Variants in ZSCAN4 observed in about 807,000 individuals in gnomAD.
ZSCAN4 encodes the protein zinc finger and SCAN domain containing 4, also known as zinc finger and SCAN domain-containing protein 4.
Under a neutral mutation model 18.3 loss-of-function variants are expected in ZSCAN4, and 18 were observed. The ratio of observed to expected loss-of-function variants is 0.98; its 90% CI spans 0.68 to 1.46. The LOEUF is 1.46. Among genes scored for constraint, ZSCAN4 ranks in the 40% most tolerant of loss-of-function variants. The probability of loss-of-function intolerance (pLI) is 0.00; values close to 1 mark genes in which losing one functional copy is unlikely to be tolerated. For synonymous variants in ZSCAN4, 193 were observed against 180.3 expected (o/e 1.07, Z -0.57); for missense variants, 498 against 511.4 (o/e 0.97, Z 0.25).
chr19:57,667,944 C>T (rs1204766727), upstream of ZSCAN4, among the ~76,000 whole-genome samples: 1 of 152,034 alleles, frequency 6.6e-6, no homozygotes, highest in Non-Finnish European at 1.5e-5. Context: ...CTCTGTCGCC[C>T]AGGCTGGAGA....
rs182441525 is a variant in ZSCAN4 at position 57,675,037 on chromosome 19, G to A, written c.-105-1004G>A. Among the ~76,000 whole-genome samples the A allele has an allele frequency of 4.7e-3, 670 of 141,790 alleles. 4 individuals are homozygous for A. Among genetic ancestry groups the A allele is most frequent in the African/African-American group, 0.017 (638 of 37,376 alleles). 93.0% of individuals were successfully genotyped at this position (141,790 alleles called of 152,430 possible). A position where few individuals can be genotyped will look rare whatever the true frequency, so the allele number is the denominator to read the frequency against. ...TGGCATGATCCTGGCTCATTGCCACGCCCACTTCCCGGGTTCAAGGGATTC... is the reference window on the plus strand; with the variant it reads ...TGGCATGATCCTGGCTCATTGCCACACCCACTTCCCGGGTTCAAGGGATTC... On this transcript the variant is annotated intron_variant, in intron 2 of 4. Coordinates refer to ENST00000318203, the Ensembl canonical transcript of ZSCAN4.
chr19:57,671,514 G>C (rs969346307), intron 2 of ZSCAN4, among the ~76,000 whole-genome samples: 1 of 149,642 alleles, frequency 6.7e-6, no homozygotes, highest in Non-Finnish European at 1.5e-5. Flanking sequence ...AAAAAAAAGA[G>C]AGAGAGAGAG....
upstream of ZSCAN4, among the ~76,000 whole-genome samples, chr19:57,666,367 T>G (rs1335465858): frequency 6.6e-6 from 1 of 152,030 alleles, no homozygotes; most frequent in African/African-American, 2.4e-5. Flanking sequence ...TGTTGTAGCT[T>G]TTAGCTAATG....
chr19:57,665,912 C>CA (rs1359178130), upstream of ZSCAN4, among the ~76,000 whole-genome samples: 13 of 152,042 alleles, frequency 8.6e-5, no homozygotes, highest in Non-Finnish European at 1.9e-4. Context: ...AACTCCGTCT[C>CA]AATAATAATA....
the ZSCAN4 span, among the ~76,000 whole-genome samples, chr19:57,660,372 G>C: frequency 0.17 from 25,293 of 152,098 alleles, 2,159 homozygotes; most frequent in East Asian, 0.27. Context: ...TAAGCTCTTG[G>C]TACTGTGCAG....
upstream of ZSCAN4, among the ~76,000 whole-genome samples, chr19:57,666,751 C>T (rs1983860258): frequency 6.6e-6 from 1 of 151,994 alleles, no homozygotes; most frequent in Non-Finnish European, 1.5e-5. Context: ...GGTGTGGTGG[C>T]GCATGCCTTT....
chr19:57,653,391 A>AAG, the ZSCAN4 span, among the ~76,000 whole-genome samples: 2 of 101,206 alleles, frequency 2.0e-5, no homozygotes, highest in Non-Finnish European at 3.5e-5. Context: ...CATCTCAAAG[A>AAG]AAAAAAAAAA....
chr19:57,660,407 G>A, the ZSCAN4 span, among the ~76,000 whole-genome samples: 35 of 152,314 alleles, frequency 2.3e-4, 1 homozygote, highest in African/African-American at 7.7e-4. Context: ...TGAGAGAGGT[G>A]CTGATATGTG....
intron 2 of ZSCAN4, among the ~76,000 whole-genome samples, chr19:57,671,834 C>G (rs1239087763): frequency 6.6e-6 from 1 of 152,194 alleles, no homozygotes; most frequent in Non-Finnish European, 1.5e-5. Context: ...CTGGTCTAAT[C>G]AGACCAGATG....
chr19:57,662,645 T>C, the ZSCAN4 span, among the ~76,000 whole-genome samples: 1 of 152,150 alleles, frequency 6.6e-6, no homozygotes, highest in Admixed American at 6.6e-5. Context: ...CACTGCAGCC[T>C]CCTCCTCCTG....
chr19:57,679,095 G>A (rs1984284969), exon 5 of ZSCAN4: 6 of 491,642 alleles, frequency 1.2e-5, no homozygotes, highest in Non-Finnish European at 1.6e-5. Flanking sequence ...CAAGTGGTTG[G>A]GAAAGTGGAA....
At chr19:57,659,017 T>C in the ZSCAN4 span, among the ~76,000 whole-genome samples, 1 of 152,102 alleles carries the variant, frequency 6.6e-6, no homozygotes, top group African/African-American at 2.4e-5. Context: ...ATATAGTCAA[T>C]TATATTGAAA....
chr19:57,678,149 AGT>A lies in ZSCAN4; in HGVS notation c.563-14_563-13del. ...CCCCTTCTTAAGTACAACTTCATTGAGTGTCTATTTTCACAGGATATGAAGAT... is the reference window on the plus strand; with the variant it reads ...CCCCTTCTTAAGTACAACTTCATTGAGTCTATTTTCACAGGATATGAAGAT... On this transcript the variant is annotated splice_polypyrimidine_tract_variant and intron_variant, in intron 4 of 4. Coordinates refer to ENST00000318203, the Ensembl canonical transcript of ZSCAN4. The A allele has an allele frequency of 6.2e-7, 1 of 1,608,046 alleles. No homozygotes were observed. The highest frequency in any genetic ancestry group is 8.5e-7 in the Non-Finnish European group (1 of 1,176,866).
chr19:57,661,435 A>G, the ZSCAN4 span, among the ~76,000 whole-genome samples: 20 of 152,284 alleles, frequency 1.3e-4, no homozygotes, highest in African/African-American at 4.8e-4. Flanking sequence ...TAAATCACAC[A>G]TGATTGTTAC....
upstream of ZSCAN4, chr19:57,665,033 C>G (rs1983819181): frequency 1.2e-5 from 2 of 165,492 alleles, no homozygotes; most frequent in Non-Finnish European, 2.7e-5. Context: ...GCAAAATAGG[C>G]TTTTAGCCAG....
intron 2 of ZSCAN4, among the ~76,000 whole-genome samples, chr19:57,673,416 G>A (rs953964561): frequency 4.6e-5 from 7 of 152,168 alleles, no homozygotes; most frequent in South Asian, 2.1e-4. Flanking sequence ...GCAGTCACTT[G>A]AGTCCAGGAG....
chr19:57,678,935 G>T, exon 5 of ZSCAN4: 1 of 1,530,916 alleles, frequency 6.5e-7, no homozygotes, highest in South Asian at 1.3e-5. Flanking sequence ...GTATAAATAT[G>T]TATGCAAGTA....
chr19:57,673,199 C>G (rs751384849), intron 2 of ZSCAN4, among the ~76,000 whole-genome samples: 3 of 152,052 alleles, frequency 2.0e-5, no homozygotes, highest in Non-Finnish European at 4.4e-5. Context: ...CAGGTGTGCA[C>G]CACCACAGCC....
chr19:57,677,501 T>G (rs1211795006), intron 3 of ZSCAN4, among the ~76,000 whole-genome samples: 1 of 152,202 alleles, frequency 6.6e-6, no homozygotes, highest in East Asian at 1.9e-4. Context: ...CTAGTCTTCC[T>G]AAGTGCAGGA....
Sources: gnomAD v4.1 joint callset for allele counts (sites outside exome capture counted in the v4.1 genomes callset) on GRCh38, gnomAD v4.1.1 for gene constraint, MANE v1.5 for transcripts, NCBI Gene and HGNC (gene_info 2026-07-23, HGNC 2026-07-21) for gene names.